Variants in SLCO2A1 observed in about 807,000 individuals in gnomAD.
SLCO2A1 encodes the protein solute carrier organic anion transporter family member 2A1.
Under a neutral mutation model 71.7 loss-of-function variants are expected in SLCO2A1, and 60 were observed. That is an observed-to-expected ratio of 0.84 (90% CI 0.68 to 1.04). The LOEUF is 1.04. SLCO2A1 is among the 50% of genes least tolerant of loss of function. The pLI is 0.00. For missense variants in SLCO2A1, 745 were observed against 813.4 expected (o/e 0.92, Z 1.02); for synonymous variants, 308 against 326.7 (o/e 0.94, Z 0.62).
At chr3:134,028,976 C>T (rs971852256) in intron 1 of SLCO2A1, among the ~76,000 whole-genome samples, 1 of 106,936 alleles carries the variant, frequency 9.4e-6, no homozygotes, top group Non-Finnish European at 1.9e-5. Flanking sequence ...CACCCGCTCC[C>T]CATAACTTGC....
rs1377884079 is a variant in SLCO2A1, at chr3:133,939,324, A to C, written c.1626-831T>G. On this transcript the variant is annotated intron_variant, in intron 11 of 13. Transcript: ENST00000310926. ...GAGTGGAGAGAGGGAGGACACCTCCACACAAGGTGGGGAGCCAGCAGCTGG... is the reference window on the plus strand; with the variant it reads ...GAGTGGAGAGAGGGAGGACACCTCCCCACAAGGTGGGGAGCCAGCAGCTGG... Among the ~76,000 whole-genome samples, 3 of 152,186 alleles carry C rather than the reference A, an allele frequency of 2.0e-5. No homozygotes were observed. The East Asian group carries it at 5.8e-4, about 29-fold the overall frequency.
Position 133,979,591 on chromosome 3 carries a change from G to A in SLCO2A1, c.124C>T (p.Gln42Ter). Residue 42 changes from glutamine (Q) to a stop codon, truncating the protein, a stop_gained, in exon 2 of 14, where the codon CAG becomes TAG. Transcript: ENST00000310926. LOFTEE classifies it high-confidence loss of function. ...KVFVLCQGLL[Q>*]LCQLLYSAYF... ...GCGCTGTACAGGAGTTGGCAGAGCT[G>A]CAGGAGGCCTTGGCAGAGCACAAAC... The A allele has an allele frequency of 1.9e-6, 3 of 1,613,772 alleles. No individual in the cohort carries two copies. The highest frequency in any genetic ancestry group is 2.5e-6 in the Non-Finnish European group (3 of 1,179,832).
chr3:133,969,455 T>C (rs753299497), intron 3 of SLCO2A1, among the ~76,000 whole-genome samples: 26 of 152,054 alleles, frequency 1.7e-4, no homozygotes, highest in Non-Finnish European at 3.4e-4. Flanking sequence ...AGCATGATCA[T>C]AACTCATTAA....
intron 11 of SLCO2A1, among the ~76,000 whole-genome samples, chr3:133,939,240 G>C (rs1218716478): frequency 6.6e-6 from 1 of 152,230 alleles, no homozygotes; most frequent in Admixed American, 6.5e-5. Flanking sequence ...AGGAAAATGT[G>C]TTTGGCTGAG....
At chr3:133,968,087 C>T (rs1576439164) in intron 3 of SLCO2A1, among the ~76,000 whole-genome samples, 2 of 141,660 alleles carry the variant, frequency 1.4e-5, no homozygotes, top group African/African-American at 5.4e-5. Context: ...CCTTCACATA[C>T]ACCCCAACCC....
chr3:134,021,173 C>T (rs564815518), intron 1 of SLCO2A1, among the ~76,000 whole-genome samples: 1 of 152,188 alleles, frequency 6.6e-6, no homozygotes, highest in Non-Finnish European at 1.5e-5. Context: ...CCCTTTTTAC[C>T]TGTTCTTTGG....
At chr3:133,967,746 T>A (rs1246117825) in intron 3 of SLCO2A1, among the ~76,000 whole-genome samples, 1 of 151,406 alleles carries the variant, frequency 6.6e-6, no homozygotes, top group African/African-American at 2.4e-5. Flanking sequence ...TCCTCCTTCC[T>A]TGCACATCTG....
At chr3:134,025,908 A>C (rs1935692816) in intron 1 of SLCO2A1, among the ~76,000 whole-genome samples, 1 of 152,214 alleles carries the variant, frequency 6.6e-6, no homozygotes, top group Admixed American at 6.5e-5. Context: ...TGATGAACTA[A>C]ATGTGCCAGT....
rs190014427 is a variant in SLCO2A1, at chr3:133,969,384, C to T, written c.397+4279G>A. ...GGCAGAGGTTGCAGTGAGCCGAGATCGCACCACTTCACTCCAGCCTGGTGA... is the reference window on the plus strand; with the variant it reads ...GGCAGAGGTTGCAGTGAGCCGAGATTGCACCACTTCACTCCAGCCTGGTGA... On this transcript the variant is annotated intron_variant, in intron 3 of 13. Coordinates refer to ENST00000310926, the MANE Select transcript of SLCO2A1 (RefSeq NM_005630.3). Among the ~76,000 whole-genome samples the T allele has an allele frequency of 4.6e-5, 7 of 152,108 alleles. No individual in the cohort carries two copies. The East Asian group carries it at 1.2e-3, about 25-fold the overall frequency.
At chr3:133,961,812 A>G (rs1576436002) in intron 3 of SLCO2A1, among the ~76,000 whole-genome samples, 1 of 152,364 alleles carries the variant, frequency 6.6e-6, no homozygotes, top group East Asian at 1.9e-4. Context: ...TGCCAACTCA[A>G]TAGGGCCCAA....
Position 133,951,350 on chromosome 3 carries a change from G to T in SLCO2A1, c.725-6C>A. On this transcript the variant is annotated splice_region_variant and splice_polypyrimidine_tract_variant and intron_variant, in intron 5 of 13. Coordinates refer to ENST00000310926, the MANE Select transcript of SLCO2A1 (RefSeq NM_005630.3). ...CGGGACCAAGTTAACTGCAGCTGAA[G>T]AGAAAACGAAGAGTGCAAATGTTTG... The T allele has an allele frequency of 6.2e-7, 1 of 1,613,924 alleles. No homozygotes were observed. Among genetic ancestry groups the T allele is most frequent in the Non-Finnish European group, 8.5e-7 (1 of 1,179,940 alleles).
intron 1 of SLCO2A1, among the ~76,000 whole-genome samples, chr3:133,980,970 C>A (rs1380244495): frequency 6.6e-6 from 1 of 152,256 alleles, no homozygotes; most frequent in Non-Finnish European, 1.5e-5. Flanking sequence ...TGGCACTCCA[C>A]CCCTGCCATG....
At chr3:133,986,857 T>C (rs1934725557) in intron 1 of SLCO2A1, among the ~76,000 whole-genome samples, 1 of 152,166 alleles carries the variant, frequency 6.6e-6, no homozygotes, top group South Asian at 2.1e-4. Context: ...AGTCTAGACA[T>C]GGCTTTTTTT....
intron 1 of SLCO2A1, among the ~76,000 whole-genome samples, chr3:133,982,148 C>T (rs556631616): frequency 1.3e-5 from 2 of 152,252 alleles, no homozygotes; most frequent in Admixed American, 6.5e-5. Context: ...GATTTGTCAA[C>T]GTTCTGTCAT....
At chr3:134,007,002 TG>T (rs1935230584) in intron 1 of SLCO2A1, among the ~76,000 whole-genome samples, 1 of 152,264 alleles carries the variant, frequency 6.6e-6, no homozygotes, top group African/African-American at 2.4e-5. Context: ...TCTGTTGTTT[TG>T]TTTTTTTATA....
intron 1 of SLCO2A1, among the ~76,000 whole-genome samples, chr3:133,985,358 C>A (rs953711798): frequency 6.6e-6 from 1 of 152,218 alleles, no homozygotes; most frequent in African/African-American, 2.4e-5. Flanking sequence ...TCCGCATCCA[C>A]ACACACATCA....
chr3:133,962,828 T>A (rs1310496860), intron 3 of SLCO2A1, among the ~76,000 whole-genome samples: 1 of 152,172 alleles, frequency 6.6e-6, no homozygotes, highest in Non-Finnish European at 1.5e-5. Flanking sequence ...GGAACATGCC[T>A]GCCTTTTCCT....
chr3:133,991,072 A>G (rs1934831175), intron 1 of SLCO2A1, among the ~76,000 whole-genome samples: 1 of 152,022 alleles, frequency 6.6e-6, no homozygotes, highest in South Asian at 2.1e-4. Flanking sequence ...ATCGCACCAC[A>G]GCACTCCAGC....
rs1293497073 is a variant in SLCO2A1 at position 133,933,177 on chromosome 3, G to A, written c.*1536C>T. 1.3e-5 allele frequency: 2 copies of A among 152,266 alleles called. No homozygotes were observed. Among genetic ancestry groups the A allele is most frequent in the East Asian group, 1.9e-4 (1 of 5,194 alleles). 9.4% of individuals were successfully genotyped at this position (152,266 alleles called of 1,614,324 possible). On this transcript the variant is annotated 3_prime_UTR_variant, in exon 14 of 14. Transcript: ENST00000310926. ...GAATGGCCATGACCCATGCCCAGCT[G>A]TTCCAGAGGACATGGGGAGACAGAG...
Sources: gnomAD v4.1 joint callset for allele counts (sites outside exome capture counted in the v4.1 genomes callset) on GRCh38, gnomAD v4.1.1 for gene constraint, MANE v1.5 for transcripts, NCBI Gene and HGNC (gene_info 2026-07-23, HGNC 2026-07-21) for gene names.